RPRD2: variants seen among roughly 807,000 people sequenced by gnomAD.
The protein encoded by RPRD2 is regulation of nuclear pre-mRNA domain containing 2.
RPRD2 carries 12 observed loss-of-function variants against 104.4 expected under a neutral mutation model. That is an observed-to-expected ratio of 0.11 (90% confidence interval 0.07 to 0.19). RPRD2 has a LOEUF of 0.19. RPRD2 is among the 10% of genes least tolerant of loss of function. RPRD2 has a pLI of 1.00. For synonymous variants in RPRD2, 714 were observed against 684.9 expected (o/e 1.04, Z -0.66); for missense variants, 1,543 against 1,790.1 (o/e 0.86, Z 2.49).
At chr1:150,370,572 C>CTTTTTTTTTT (rs11288735) in intron 1 of RPRD2, among the ~76,000 whole-genome samples, 11 of 109,710 alleles carry the variant, frequency 1.0e-4, no homozygotes, top group East Asian at 2.7e-4. Flanking sequence ...TCCATTTTGT[C>CTTTTTTTTTT]TTTTTTTTTT....
In RPRD2 at chr1:150,471,161, T is replaced by G. The variant is rs1446586747; in HGVS notation, c.2213T>G (p.Met738Arg). The change falls in exon 11 of 11, where the codon ATG (methionine) becomes AGG (arginine). Residue 738 changes from methionine (M) to arginine (R), a missense_variant. By Grantham distance (91) the Met-to-Arg change is moderately conservative. Transcript: ENST00000369068. The surrounding 1 kb of genome is among the most constrained non-coding windows in gnomAD (Gnocchi z 5.3). Reference sequence around the variant, plus strand: ...AGTGGGACACCCACCCAGGATGAGATGATGGACAAGCCCACATCCAGCAGT... The same window carrying G: ...AGTGGGACACCCACCCAGGATGAGAGGATGGACAAGCCCACATCCAGCAGT... ...ERSGTPTQDE[M>R]MDKPTSSSVD... 2 of 1,613,762 alleles carry G rather than the reference T, an allele frequency of 1.2e-6. No homozygotes were observed. The highest frequency in any genetic ancestry group is 1.7e-6 in the Non-Finnish European group (2 of 1,179,862).
At chr1:150,425,689 C>T (rs912219824) in intron 2 of RPRD2, among the ~76,000 whole-genome samples, 2 of 151,866 alleles carry the variant, frequency 1.3e-5, no homozygotes, top group Non-Finnish European at 2.9e-5. Flanking sequence ...TTATTATCTT[C>T]TTTGATTCTC....
rs587768229 is a variant in RPRD2, at chr1:150,460,556, C to G, written c.1411+239C>G. On this transcript the variant is annotated intron_variant, in intron 9 of 10. Coordinates refer to ENST00000369068, the MANE Select transcript of RPRD2 (RefSeq NM_015203.5). ...TAGCTGGGATTACAGGCACCTGCTA[C>G]CACGCCCGGCTAATTTTTGTATTTT... Among the ~76,000 whole-genome samples, 14 of 152,012 alleles carry G rather than the reference C, an allele frequency of 9.2e-5. No homozygotes were observed. In the East Asian group the frequency reaches 2.3e-3, roughly 25 times the overall value.
At chr1:150,447,611 G>A (rs587636383) in intron 7 of RPRD2, among the ~76,000 whole-genome samples, 1 of 152,288 alleles carries the variant, frequency 6.6e-6, no homozygotes, top group East Asian at 1.9e-4. Context: ...TGGGATTACA[G>A]GCATGAGCCA....
At position 150,364,279 on chromosome 1, in the gene RPRD2, C is replaced by G. The variant is rs1420347732; in HGVS notation, c.-436C>G. ...CTGAAGGGGCAGTCGGGTAGTATTA[C>G]ATTTAAGATATTAACGCCCGACCTG... On this transcript the variant is annotated 5_prime_UTR_variant, in exon 1 of 11. Coordinates refer to ENST00000369068, the MANE Select transcript of RPRD2 (RefSeq NM_015203.5). Among the ~76,000 whole-genome samples, 1 of 152,172 alleles carries G rather than the reference C, an allele frequency of 6.6e-6. No individual in the cohort carries two copies. Among genetic ancestry groups the G allele is most frequent in the African/African-American group, 2.4e-5 (1 of 41,444 alleles).
chr1:150,397,837 C>T (rs1662648122), intron 1 of RPRD2, among the ~76,000 whole-genome samples: 1 of 151,962 alleles, frequency 6.6e-6, no homozygotes, highest in African/African-American at 2.4e-5. Flanking sequence ...GCTTCTGCTT[C>T]CCGGATTCAA....
At position 150,457,378 on chromosome 1, in the gene RPRD2, G is replaced by T; in HGVS notation, c.961G>T (p.Val321Phe). Residue 321 changes from valine to phenylalanine, a missense_variant, in exon 8 of 11, where the codon GTT (valine) becomes TTT (phenylalanine). Physicochemically the swap from Val to Phe is conservative, Grantham distance 50. Around this residue, in one of 4 missense-constraint regions of RPRD2, gnomAD observed 572 missense variants for 787.3 expected, o/e 0.73. Transcript: ENST00000369068. ...STLPDPEESPVPSPSMDAPSP... is the reference protein window; with the variant it reads ...STLPDPEESPFPSPSMDAPSP... ...CCTTCCAGATCCTGAAGAATCACCA[G>T]TTCCTTCCCCAAGCATGGACGCTCC... 1 of 1,613,198 alleles carries T rather than the reference G, an allele frequency of 6.2e-7. No homozygotes were observed. Among genetic ancestry groups the T allele is most frequent in the Non-Finnish European group, 8.5e-7 (1 of 1,179,228 alleles).
intron 1 of RPRD2, among the ~76,000 whole-genome samples, chr1:150,367,197 C>T (rs1553877287): frequency 2.0e-5 from 3 of 152,016 alleles, no homozygotes; most frequent in African/African-American, 7.3e-5. Flanking sequence ...TAATTTTAGT[C>T]GTTTTGTATT....
In RPRD2 at chr1:150,471,804, T is replaced by C. The variant is rs767139630; in HGVS notation, c.2856T>C (p.Thr952=). The change falls in exon 11 of 11, where the codon ACT becomes ACC. Residue 952 remains threonine, a synonymous_variant. Coordinates refer to ENST00000369068, the MANE Select transcript of RPRD2 (RefSeq NM_015203.5). The surrounding 1 kb of genome is among the most constrained non-coding windows in gnomAD (Gnocchi z 5.3). ...ACAATAGCTTGTCTCAATCTACCACTGGGCATCTCAGTTTGCCACAGAAGC... is the reference window on the plus strand; with the variant it reads ...ACAATAGCTTGTCTCAATCTACCACCGGGCATCTCAGTTTGCCACAGAAGC... The part of the protein sequence containing the change: ...SNHNSLSQST[T]GHLSLPQKQY... 1 of 1,613,924 alleles carries C rather than the reference T, an allele frequency of 6.2e-7. No individual in the cohort carries two copies. Among genetic ancestry groups the C allele is most frequent in the African/African-American group, 1.3e-5 (1 of 75,018 alleles).
chr1:150,411,802 A>C (rs1313504872), intron 1 of RPRD2, among the ~76,000 whole-genome samples: 12 of 74,622 alleles, frequency 1.6e-4, no homozygotes, highest in East Asian at 1.0e-3. Flanking sequence ...AAAAAAAAAA[A>C]AAAAAAAAAA....
chr1:150,438,381 T>A lies in RPRD2; in HGVS notation c.336-2542T>A, dbSNP rs587603010. Among the ~76,000 whole-genome samples, 63 of 152,096 alleles carry A rather than the reference T, an allele frequency of 4.1e-4. 1 individual carries two copies. Among genetic ancestry groups the A allele is most frequent in the Non-Finnish European group, 7.8e-4 (53 of 67,990 alleles). ...TGGCTCACACCTGTAATCCCAGCAC[T>A]TTGGGAGGCCAAGGCGGGCAGATCA... is the stretch of plus-strand genomic sequence containing the variant. On this transcript the variant is annotated intron_variant, in intron 2 of 10. Transcript: ENST00000369068.
rs1420590760 is a variant in RPRD2 at position 150,364,349 on chromosome 1, T to A, written c.-366T>A. ...CAGGGGCGGGGAAGGGCCTTAGCAC[T>A]GAGAGCCGAAAAGTATAAAACGATT... On this transcript the variant is annotated 5_prime_UTR_variant, in exon 1 of 11. Coordinates refer to ENST00000369068, the MANE Select transcript of RPRD2 (RefSeq NM_015203.5). Among the ~76,000 whole-genome samples, 1 of 152,146 alleles carries A rather than the reference T, an allele frequency of 6.6e-6. No individual in the cohort carries two copies.
Position 150,472,438 on chromosome 1 carries a change from A to G in RPRD2, c.3490A>G (p.Thr1164Ala), listed in dbSNP as rs1477297954. Residue 1164 changes from threonine to alanine, a missense_variant, in exon 11 of 11, where the codon ACA (threonine) becomes GCA (alanine). Physicochemically the swap from Thr to Ala is moderately conservative, Grantham distance 58. This residue lies in a region of RPRD2 where 880 missense variants were observed against 885.6 expected (regional missense o/e 0.99). Transcript: ENST00000369068. Reference protein sequence around the residue: ...GGSGGLTGFKTAPYKERAPQF... With the variant: ...GGSGGLTGFKAAPYKERAPQF... Reference sequence around the variant, plus strand: ...CAGCGGAGGCCTCACTGGCTTTAAAACAGCACCATACAAGGAACGGGCACC... The same window carrying G: ...CAGCGGAGGCCTCACTGGCTTTAAAGCAGCACCATACAAGGAACGGGCACC... The G allele has an allele frequency of 1.9e-6, 3 of 1,613,784 alleles. No homozygotes were observed. In the African/African-American group the frequency reaches 4.0e-5, roughly 22 times the overall value.
chr1:150,408,290 G>A (rs1162300202), intron 1 of RPRD2, among the ~76,000 whole-genome samples: 14 of 145,874 alleles, frequency 9.6e-5, no homozygotes, highest in Admixed American at 5.7e-4. Context: ...TCAGCCTCCC[G>A]AGTATCTGGG....
chr1:150,391,678 C>G (rs1389212041), intron 1 of RPRD2, among the ~76,000 whole-genome samples: 1 of 152,170 alleles, frequency 6.6e-6, no homozygotes, highest in African/African-American at 2.4e-5. Context: ...GAGGCTGAGG[C>G]GGGCGGATCA....
chr1:150,446,443 C>CTA (rs1666777064), intron 7 of RPRD2, 42 bp downstream of exon 7: 1 of 1,448,008 alleles, frequency 6.9e-7, no homozygotes, highest in Admixed American at 2.3e-5. Flanking sequence ...ATGCTTGTTA[C>CTA]TATATTTCAG....
At chr1:150,434,602 G>T (rs1418603107) in intron 2 of RPRD2, among the ~76,000 whole-genome samples, 2 of 152,074 alleles carry the variant, frequency 1.3e-5, no homozygotes, top group East Asian at 3.9e-4. Context: ...GATCATTTGA[G>T]GTCAGGAGTT....
intron 8 of RPRD2, among the ~76,000 whole-genome samples, chr1:150,458,588 T>G (rs587732389): frequency 6.6e-6 from 1 of 152,298 alleles, no homozygotes; most frequent in South Asian, 2.1e-4. Context: ...TTGGGATATA[T>G]TAGGATGAAT....
At chr1:150,422,808 A>G (rs1481462910) in intron 2 of RPRD2, among the ~76,000 whole-genome samples, 3 of 152,150 alleles carry the variant, frequency 2.0e-5, no homozygotes, top group African/African-American at 7.2e-5. Flanking sequence ...GAATGCCTTT[A>G]AGGTGTTTAT....
Sources: allele counts gnomAD v4.1 joint callset (sites outside exome capture counted in the v4.1 genomes callset), GRCh38; gene constraint gnomAD v4.1.1; regional missense constraint gnomAD v4.1.1; non-coding constraint Gnocchi (gnomAD v3.1); transcripts MANE v1.5; gene names NCBI Gene and HGNC (gene_info 2026-07-23, HGNC 2026-07-21).